SLC2A13: variants seen among roughly 807,000 people sequenced by gnomAD.
SLC2A13 encodes the protein solute carrier family 2 member 13.
SLC2A13 carries 32 observed loss-of-function variants against 64.4 expected under a neutral mutation model. The observed-to-expected ratio is 0.50, with a 90% confidence interval of 0.37 to 0.67. SLC2A13 has a LOEUF of 0.67. Among genes scored for constraint, SLC2A13 ranks in the 30% least tolerant of loss-of-function variants. The pLI is 0.00. For missense variants in SLC2A13, 743 were observed against 829.2 expected, an observed-to-expected ratio of 0.90 and a Z score of 1.28; for synonymous variants, 338 against 327.1, an observed-to-expected ratio of 1.03 and a Z score of -0.36.
intron 2 of SLC2A13, among the ~76,000 whole-genome samples, chr12:40,042,291 A>C (rs958287656): frequency 7.9e-5 from 12 of 152,190 alleles, no homozygotes; most frequent in African/African-American, 2.9e-4. Flanking sequence ...AGCATGAAAC[A>C]GAAAAATTTA....
intron 1 of SLC2A13, among the ~76,000 whole-genome samples, chr12:40,083,136 T>C (rs771003963): frequency 2.6e-5 from 4 of 152,198 alleles, no homozygotes; most frequent in African/African-American, 4.8e-5. Flanking sequence ...TAGTACCTTA[T>C]GTCACAGTTC....
At chr12:40,084,649 T>C (rs1031509962) in intron 1 of SLC2A13, among the ~76,000 whole-genome samples, 1 of 151,556 alleles carries the variant, frequency 6.6e-6, no homozygotes, top group East Asian at 1.9e-4. Flanking sequence ...TACAGCTTCA[T>C]TTTTTTTTAA....
chr12:39,757,003 T>C lies in SLC2A13; in HGVS notation c.*3023A>G, dbSNP rs1222256762. On this transcript the variant is annotated 3_prime_UTR_variant, in exon 10 of 10. Coordinates refer to ENST00000280871, the MANE Select transcript of SLC2A13 (RefSeq NM_052885.4). Reference sequence around the variant, plus strand: ...AATATTTTACATATATTAAAAATAATCATGTTTTGGGAAATGATTGACTAA... The same window carrying C: ...AATATTTTACATATATTAAAAATAACCATGTTTTGGGAAATGATTGACTAA... 6.6e-6 allele frequency: 1 copy of C among 151,746 alleles called. No individual in the cohort carries two copies. The highest frequency in any genetic ancestry group is 1.5e-5 in the Non-Finnish European group (1 of 67,696). The allele number at this position is 151,746 out of a possible 1,614,324, so 9.4% of individuals were successfully genotyped here.
chr12:40,082,929 C>T (rs540655133), intron 1 of SLC2A13, among the ~76,000 whole-genome samples: 115 of 152,210 alleles, frequency 7.6e-4, no homozygotes, highest in Middle Eastern at 3.4e-3. Context: ...CACTTCAGCC[C>T]GGGGTCTGTA....
chr12:39,790,123 TGTTC>T (rs1342564158), intron 7 of SLC2A13, among the ~76,000 whole-genome samples: 2 of 30,510 alleles, frequency 6.6e-5, no homozygotes, highest in Non-Finnish European at 1.6e-4. Context: ...CATTCTTTTG[TGTTC>T]TTTTTTTTTT....
Position 39,871,937 on chromosome 12 carries a change from C to G in SLC2A13, c.1059G>C (p.Gln353His), listed in dbSNP as rs1230669953. The G allele has an allele frequency of 6.2e-7, 1 of 1,607,928 alleles. No individual in the cohort carries two copies. Among genetic ancestry groups the G allele is most frequent in the Non-Finnish European group, 8.5e-7 (1 of 1,177,398 alleles). Residue 353 changes from glutamine (Q) to histidine (H), a missense_variant, in exon 5 of 10, where the codon CAG becomes CAC. Gln to His is a conservative substitution (Grantham distance 24). Coordinates refer to ENST00000280871, the MANE Select transcript of SLC2A13 (RefSeq NM_052885.4). The stretch of plus-strand genomic sequence containing the variant: ...GTCTATCATCTTCAACACCAGACAT[C>G]TGCAGAATGGTTGCACTGTAGTACC... ...TIMYYSATIL[Q>H]MSGVEDDRLA...
chr12:39,884,615 C>A (rs1445011388), intron 4 of SLC2A13, among the ~76,000 whole-genome samples: 2 of 152,116 alleles, frequency 1.3e-5, no homozygotes, highest in Non-Finnish European at 2.9e-5. Flanking sequence ...TATCTGGGGA[C>A]TGTTCAGGGA....
rs543904675 is a variant in SLC2A13 at position 40,038,204 on chromosome 12, T to A, written c.717-9695A>T. ...TTAATATATTGTATTTTCTTTCCAT[T>A]CAAAGCTATTTTCCAATTTTCCTTC... On this transcript the variant is annotated intron_variant, in intron 2 of 9. Transcript: ENST00000280871. Among the ~76,000 whole-genome samples, 103 of 152,290 alleles carry A rather than the reference T, an allele frequency of 6.8e-4. 1 individual carries two copies. The South Asian group carries it at 0.021, about 31-fold the overall frequency.
rs182543905 is a variant in SLC2A13, at chr12:39,963,025, G to T, written c.926-11660C>A. Among the ~76,000 whole-genome samples, 450 of 152,234 alleles carry T rather than the reference G, an allele frequency of 3.0e-3. 1 individual carries two copies. Among genetic ancestry groups the T allele is most frequent in the Non-Finnish European group, 5.0e-3 (337 of 68,020 alleles). On this transcript the variant is annotated intron_variant, in intron 3 of 9. Transcript: ENST00000280871. ...ACATTAAAAATAGCCAATAGCTCAC[G>T]CCTGTAATCCCAGCACTTTGGGAGG...
intron 2 of SLC2A13, among the ~76,000 whole-genome samples, chr12:40,044,041 C>T (rs17518071): frequency 2.8e-3 from 425 of 152,154 alleles, no homozygotes; most frequent in African/African-American, 9.9e-3. Flanking sequence ...AATTTGTACA[C>T]AAATGTTCAT....
intron 1 of SLC2A13, among the ~76,000 whole-genome samples, chr12:40,092,047 C>T (rs1938787008): frequency 6.6e-6 from 1 of 152,122 alleles, no homozygotes; most frequent in South Asian, 2.1e-4. Context: ...TTTTCTATTA[C>T]TGTCTGTATT....
At chr12:40,075,187 T>A (rs1336189361) in intron 1 of SLC2A13, among the ~76,000 whole-genome samples, 3 of 152,008 alleles carry the variant, frequency 2.0e-5, no homozygotes, top group African/African-American at 7.3e-5. Flanking sequence ...CAGCAAGAGG[T>A]GAAATTCATA....
intron 4 of SLC2A13, among the ~76,000 whole-genome samples, chr12:39,896,316 G>GTGTGTATA (rs1944866521): frequency 8.1e-6 from 1 of 123,870 alleles, no homozygotes; most frequent in African/African-American, 3.1e-5. Context: ...ATACATATAT[G>GTGTGTATA]TATGTATATG....
At chr12:39,945,485 G>A (rs1208062293) in intron 4 of SLC2A13, among the ~76,000 whole-genome samples, 1 of 151,884 alleles carries the variant, frequency 6.6e-6, no homozygotes, top group African/African-American at 2.4e-5. Flanking sequence ...CAGCTATGCC[G>A]ATTATTCTTA....
chr12:39,978,234 C>A (rs907510057), intron 3 of SLC2A13, among the ~76,000 whole-genome samples: 1 of 152,324 alleles, frequency 6.6e-6, no homozygotes, highest in Admixed American at 6.5e-5. Flanking sequence ...CCATCTCCCC[C>A]AAATGGAAGA....
At position 39,811,624 on chromosome 12, in the gene SLC2A13, T is replaced by A. The variant is rs537951542; in HGVS notation, c.1445+18479A>T. ...AAATATTTAGTAATTTTTGTGAAAA[T>A]TTTTTTTACTGATTTCTAAGAAGCT... On this transcript the variant is annotated intron_variant, in intron 7 of 9. Transcript: ENST00000280871. Among the ~76,000 whole-genome samples, 8 of 152,114 alleles carry A rather than the reference T, an allele frequency of 5.3e-5. No individual in the cohort carries two copies. In the East Asian group the frequency reaches 5.8e-4, roughly 11 times the overall value.
rs753076022 is a variant in SLC2A13, at chr12:39,871,827, C to T, written c.1169G>A (p.Arg390His). 13 of 1,610,020 alleles carry T rather than the reference C, an allele frequency of 8.1e-6. No homozygotes were observed. Among genetic ancestry groups the T allele is most frequent in the Admixed American group, 5.1e-5 (3 of 59,366 alleles). The change falls in exon 5 of 10, where the codon CGC becomes CAC. Residue 390 changes from arginine (R) to histidine (H), a missense_variant. Arg to His is a conservative substitution (Grantham distance 29). Transcript: ENST00000280871. ...VGVWLVEKVG[R>H]RKLTFGSLAG... ...TAAACTACCAAAGGTAAGCTTTCTG[C>T]GGCCCACCTTCTCAACAAGCCAGAC...
chr12:40,028,370 G>T lies in SLC2A13; in HGVS notation c.856C>A (p.Gln286Lys), dbSNP rs771403900. The T allele has an allele frequency of 6.2e-7, 1 of 1,613,906 alleles. No homozygotes were observed. Among genetic ancestry groups the T allele is most frequent in the South Asian group, 1.1e-5 (1 of 91,076 alleles). Reference sequence around the variant, plus strand: ...CTATCATATTCCTCATCAATGGTCTGGTTACCACGCATCTGAGATAAAATT... The same window carrying T: ...CTATCATATTCCTCATCAATGGTCTTGTTACCACGCATCTGAGATAAAATT... Reference protein sequence around the residue: ...RRILSQMRGNQTIDEEYDSIK... With the variant: ...RRILSQMRGNKTIDEEYDSIK... Residue 286 changes from glutamine (Q) to lysine (K), a missense_variant, in exon 3 of 10, where the codon CAG becomes AAG. Around this residue, in one of 2 missense-constraint regions of SLC2A13, gnomAD observed 448 missense variants for 447.4 expected, o/e 1.00. Transcript: ENST00000280871.
chr12:40,006,003 T>C (rs536084042), intron 3 of SLC2A13, among the ~76,000 whole-genome samples: 1 of 152,318 alleles, frequency 6.6e-6, no homozygotes, highest in South Asian at 2.1e-4. Context: ...GATGATTTAA[T>C]AATTTCAATC....
Sources: gnomAD v4.1 joint callset for allele counts (sites outside exome capture counted in the v4.1 genomes callset) on GRCh38, gnomAD v4.1.1 for gene constraint, gnomAD v4.1.1 regional missense constraint, MANE v1.5 for transcripts, NCBI Gene and HGNC (gene_info 2026-07-23, HGNC 2026-07-21) for gene names.